Variants in LSAMP observed in about 807,000 individuals in gnomAD.
LSAMP encodes limbic system associated membrane protein.
LSAMP carries 7 observed loss-of-function variants against 38.6 expected under a neutral mutation model. The observed-to-expected ratio is 0.18, with a 90% CI of 0.10 to 0.34. The LOEUF is 0.34. LSAMP is among the 10% of genes least tolerant of loss of function. The pLI, the probability that LSAMP is intolerant of heterozygous loss-of-function variation, is 1.00. For missense variants in LSAMP, 313 were observed against 420.0 expected, an observed-to-expected ratio of 0.75 and a Z score of 2.23; for synonymous variants, 154 against 166.8, an observed-to-expected ratio of 0.92 and a Z score of 0.59.
At position 115,804,023 on chromosome 3, in the gene LSAMP, T is replaced by C. The variant is rs938638041; in HGVS notation, c.*6294A>G. ...ATAGTTCCACATTTAGGTTTTATAA[T>C]ATAAACAAGGAAACAACCCCAGCTA... On this transcript the variant is annotated 3_prime_UTR_variant, in exon 7 of 7. Transcript: ENST00000490035. 6.6e-6 allele frequency: 1 copy of C among 152,228 alleles called. No homozygotes were observed. The highest frequency in any genetic ancestry group is 2.4e-5 in the African/African-American group (1 of 41,464). 9.4% of individuals were successfully genotyped at this position (152,228 alleles called of 1,614,324 possible).
intron 1 of LSAMP, among the ~76,000 whole-genome samples, chr3:116,273,707 T>TATATATATATATATATATATATATATAC (rs1307543165): frequency 2.9e-5 from 3 of 102,650 alleles, no homozygotes; most frequent in African/African-American, 4.7e-5. Flanking sequence ...TATATATATA[T>TATATATATATATATATATATATATATAC]ACACACACAC....
At chr3:116,188,075 T>A (rs1001825147) in intron 1 of LSAMP, among the ~76,000 whole-genome samples, 1 of 152,116 alleles carries the variant, frequency 6.6e-6, no homozygotes, top group African/African-American at 2.4e-5. Context: ...TGCAAATCAT[T>A]CCAACACATA....
intron 3 of LSAMP, among the ~76,000 whole-genome samples, chr3:116,010,358 C>T (rs1014259373): frequency 1.5e-4 from 23 of 152,166 alleles, no homozygotes; most frequent in South Asian, 8.3e-4. Context: ...TCTGACTTTT[C>T]CCTGGAATAA....
At chr3:116,171,230 G>A (rs559070704) in intron 1 of LSAMP, among the ~76,000 whole-genome samples, 13 of 152,240 alleles carry the variant, frequency 8.5e-5, no homozygotes, top group Admixed American at 6.5e-4. Context: ...CATAGAAAAT[G>A]TTTAACAAGC....
intron 1 of LSAMP, among the ~76,000 whole-genome samples, chr3:116,209,788 G>T (rs1469931401): frequency 6.6e-6 from 1 of 151,834 alleles, no homozygotes; most frequent in East Asian, 1.9e-4. Flanking sequence ...GTTTCACTCT[G>T]TCCCCCAGGC....
intron 1 of LSAMP, among the ~76,000 whole-genome samples, chr3:116,222,266 C>CAA (rs58303455): frequency 3.1e-5 from 4 of 129,688 alleles, no homozygotes; most frequent in South Asian, 2.4e-4. Flanking sequence ...TTTATGACTT[C>CAA]AAAAAAAAAA....
intron 3 of LSAMP, among the ~76,000 whole-genome samples, chr3:115,947,619 G>A (rs1201249095): frequency 6.6e-6 from 1 of 152,136 alleles, no homozygotes; most frequent in African/African-American, 2.4e-5. Context: ...TTTGTGGAAA[G>A]TCATCAAGAT....
intron 6 of LSAMP, among the ~76,000 whole-genome samples, chr3:115,825,203 T>C (rs1373091902): frequency 6.6e-6 from 1 of 152,136 alleles, no homozygotes; most frequent in African/African-American, 2.4e-5. Flanking sequence ...GATAAGGGAT[T>C]AAAAAATGTT....
At chr3:116,186,030 TTTTATC>T (rs1710608934) in intron 1 of LSAMP, among the ~76,000 whole-genome samples, 1 of 152,076 alleles carries the variant, frequency 6.6e-6, no homozygotes, top group Admixed American at 6.6e-5. Context: ...TGCTAGGTAC[TTTTATC>T]TTTGTAGCTT....
At chr3:116,155,018 G>GGT (rs1553708412) in intron 1 of LSAMP, among the ~76,000 whole-genome samples, 11 of 150,908 alleles carry the variant, frequency 7.3e-5, no homozygotes, top group African/African-American at 9.7e-5. Context: ...GAATGTTTTG[G>GGT]TTTTTTTTGT....
intron 2 of LSAMP, among the ~76,000 whole-genome samples, chr3:116,046,153 A>T (rs1270879108): frequency 6.6e-6 from 1 of 152,200 alleles, no homozygotes; most frequent in African/African-American, 2.4e-5. Flanking sequence ...TCAACATAGC[A>T]TTTCCTAGAA....
chr3:115,918,790 T>A (rs1937315464), intron 3 of LSAMP, among the ~76,000 whole-genome samples: 2 of 150,590 alleles, frequency 1.3e-5, no homozygotes, highest in South Asian at 4.2e-4. Flanking sequence ...TCAAAAAGAC[T>A]TTGGAATGAG....
intron 3 of LSAMP, among the ~76,000 whole-genome samples, chr3:115,859,565 A>T (rs941355095): frequency 3.9e-5 from 6 of 152,182 alleles, no homozygotes; most frequent in African/African-American, 1.4e-4. Context: ...CAGGGGGTGG[A>T]TTATGCAAAT....
chr3:116,172,566 A>T (rs974228216), intron 1 of LSAMP, among the ~76,000 whole-genome samples: 1 of 152,048 alleles, frequency 6.6e-6, no homozygotes, highest in African/African-American at 2.4e-5. Flanking sequence ...ACCTAGATTT[A>T]AGAGCATTTG....
intron 1 of LSAMP, among the ~76,000 whole-genome samples, chr3:116,112,812 A>G (rs541812785): frequency 6.6e-6 from 1 of 152,350 alleles, no homozygotes; most frequent in African/African-American, 2.4e-5. Context: ...TGGCTACCCT[A>G]CCCAACAATA....
chr3:116,076,292 CT>C (rs551247717), intron 2 of LSAMP, among the ~76,000 whole-genome samples: 6 of 152,114 alleles, frequency 3.9e-5, no homozygotes, highest in Middle Eastern at 3.4e-3. Flanking sequence ...GAGTCTCGCT[CT>C]GTCACCCAGG....
intron 1 of LSAMP, among the ~76,000 whole-genome samples, chr3:116,420,205 C>T (rs1366541231): frequency 6.6e-6 from 1 of 151,406 alleles, no homozygotes; most frequent in African/African-American, 2.4e-5. Context: ...TCAAGTGATT[C>T]TTCTGCCTCA....
chr3:116,155,291 C>T (rs1486235637), intron 1 of LSAMP, among the ~76,000 whole-genome samples: 1 of 152,022 alleles, frequency 6.6e-6, no homozygotes, highest in African/African-American at 2.4e-5. Context: ...ATGGCATGAT[C>T]TCGGCTCACT....
intron 2 of LSAMP, among the ~76,000 whole-genome samples, chr3:116,054,306 C>A (rs1219665180): frequency 3.3e-5 from 5 of 152,166 alleles, no homozygotes. Context: ...CCAGGATAAT[C>A]TCTTCATCTC....
Sources: gnomAD v4.1 joint callset for allele counts (sites outside exome capture counted in the v4.1 genomes callset) on GRCh38, gnomAD v4.1.1 for gene constraint, MANE v1.5 for transcripts, NCBI Gene and HGNC (gene_info 2026-07-23, HGNC 2026-07-21) for gene names.